NEGR1: variants seen among roughly 807,000 people sequenced by gnomAD.
NEGR1 encodes IgLON family member 4.
A neutral mutation model predicts 40.9 loss-of-function variants in NEGR1; 10 were observed. That is an observed-to-expected ratio of 0.24 (90% CI 0.15 to 0.42). NEGR1 has a LOEUF of 0.42. Among genes scored for constraint, NEGR1 ranks in the 10% least tolerant of loss-of-function variants. NEGR1 has a pLI of 1.00. For synonymous variants in NEGR1, 185 were observed against 166.8 expected, an observed-to-expected ratio of 1.11 and a Z score of -0.84; for missense variants, 352 against 438.9, an observed-to-expected ratio of 0.80 and a Z score of 1.77.
At position 71,622,766 on chromosome 1, in the gene NEGR1, A is replaced by AG. The variant is rs1650650785; in HGVS notation, c.668-11621dup. 2.6e-5 allele frequency among the ~76,000 whole-genome samples: 4 copies of AG among 151,868 alleles called. No individual in the cohort carries two copies. In the South Asian group the frequency reaches 8.3e-4, roughly 31 times the overall value. On this transcript the variant is annotated intron_variant, in intron 4 of 6. Coordinates refer to ENST00000357731, the MANE Select transcript of NEGR1 (RefSeq NM_173808.3). ...TATACATGGGGTAATAGATGAGGATAGCATTGGTTGGATCTTCCCTTAGGC... is the reference window on the plus strand; with the variant it reads ...TATACATGGGGTAATAGATGAGGATAGGCATTGGTTGGATCTTCCCTTAGGC...
intron 2 of NEGR1, among the ~76,000 whole-genome samples, chr1:71,812,137 A>G (rs1392908984): frequency 6.6e-6 from 1 of 152,002 alleles, no homozygotes. Flanking sequence ...TATAACTGAG[A>G]ACATGCAGTG....
At chr1:71,958,191 G>T (rs1557455155) in intron 1 of NEGR1, among the ~76,000 whole-genome samples, 1 of 152,162 alleles carries the variant, frequency 6.6e-6, no homozygotes, top group African/African-American at 2.4e-5. Context: ...AATGAGAGAT[G>T]AAATTTAATG....
chr1:71,907,723 C>A (rs1557427943), intron 2 of NEGR1, among the ~76,000 whole-genome samples: 1 of 152,082 alleles, frequency 6.6e-6, no homozygotes, highest in South Asian at 2.1e-4. Context: ...CAGCACTACT[C>A]ATCATAGAAA....
intron 1 of NEGR1, among the ~76,000 whole-genome samples, chr1:72,048,369 T>C (rs1048937390): frequency 7.0e-6 from 1 of 142,554 alleles, no homozygotes; most frequent in Admixed American, 6.9e-5. Flanking sequence ...ACTAAATAAA[T>C]TGCTTAACAG....
chr1:71,758,085 A>C (rs2101695935), intron 3 of NEGR1, among the ~76,000 whole-genome samples: 1 of 152,174 alleles, frequency 6.6e-6, no homozygotes, highest in South Asian at 2.1e-4. Context: ...AGGGAGCTTA[A>C]GAAATATACT....
chr1:72,040,653 A>G (rs1646945328), intron 1 of NEGR1, among the ~76,000 whole-genome samples: 1 of 150,692 alleles, frequency 6.6e-6, no homozygotes, highest in Non-Finnish European at 1.5e-5. Flanking sequence ...ACTGAAAGAA[A>G]AGGAATTGGG....
At chr1:71,944,597 A>C (rs867992075) in intron 1 of NEGR1, among the ~76,000 whole-genome samples, 1 of 152,200 alleles carries the variant, frequency 6.6e-6, no homozygotes, top group African/African-American at 2.4e-5. Flanking sequence ...ATATACGGAA[A>C]GGTTCTAAAT....
chr1:71,690,619 CAGAGAG>C (rs59019409), intron 4 of NEGR1, among the ~76,000 whole-genome samples: 2,541 of 67,672 alleles, frequency 0.038, 26 homozygotes, highest in African/African-American at 0.052. Context: ...TAGAGGGAGA[CAGAGAG>C]AGAGAGAGAG....
rs113132329 is a variant in NEGR1, at chr1:71,916,649, G to T, written c.409+18430C>A. ...CGTGTGCTTGTAATCACAGCTACTT[G>T]GGAGGCAGAGGCAGGAGAATTGCTT... On this transcript the variant is annotated intron_variant, in intron 2 of 6. Coordinates refer to ENST00000357731, the MANE Select transcript of NEGR1 (RefSeq NM_173808.3). 4.9e-3 allele frequency among the ~76,000 whole-genome samples: 739 copies of T among 152,228 alleles called. 1 individual carries two copies. The highest frequency in any genetic ancestry group is 0.015 in the African/African-American group (627 of 41,540).
intron 2 of NEGR1, among the ~76,000 whole-genome samples, chr1:71,897,838 G>A (rs924579872): frequency 1.3e-5 from 2 of 152,090 alleles, no homozygotes; most frequent in Non-Finnish European, 2.9e-5. Context: ...AGAAGCGCAG[G>A]CATAACTGAA....
intron 2 of NEGR1, among the ~76,000 whole-genome samples, chr1:71,846,663 T>A (rs984398514): frequency 6.6e-6 from 1 of 152,126 alleles, no homozygotes. Flanking sequence ...AGCCTTAGAA[T>A]GGGTAACTTA....
At chr1:72,230,351 T>C (rs12059971) in intron 1 of NEGR1, among the ~76,000 whole-genome samples, 6,090 of 152,230 alleles carry the variant, frequency 0.04, 394 homozygotes, top group African/African-American at 0.14. Context: ...TTTGAAAAAG[T>C]TGTGCTGATT....
intron 1 of NEGR1, among the ~76,000 whole-genome samples, chr1:72,255,027 T>G (rs1655220971): frequency 6.6e-6 from 1 of 152,204 alleles, no homozygotes; most frequent in African/African-American, 2.4e-5. Context: ...TTATCCACAT[T>G]AGATTTTCTA....
intron 2 of NEGR1, among the ~76,000 whole-genome samples, chr1:71,867,837 A>G (rs1371966207): frequency 6.6e-6 from 1 of 152,208 alleles, no homozygotes; most frequent in Non-Finnish European, 1.5e-5. Context: ...TAGAAAGAAT[A>G]TAAAGATTAT....
At chr1:72,033,720 T>C (rs1050799724) in intron 1 of NEGR1, among the ~76,000 whole-genome samples, 2 of 152,154 alleles carry the variant, frequency 1.3e-5, no homozygotes, top group Non-Finnish European at 2.9e-5. Flanking sequence ...GACCTGCATG[T>C]TTAGACTGTT....
intron 4 of NEGR1, among the ~76,000 whole-genome samples, chr1:71,677,016 G>A (rs773235387): frequency 2.0e-5 from 3 of 152,160 alleles, no homozygotes; most frequent in Non-Finnish European, 2.9e-5. Flanking sequence ...GACCAACTAT[G>A]TGTGAGTTAC....
At chr1:71,705,699 G>A (rs1240929012) in intron 3 of NEGR1, among the ~76,000 whole-genome samples, 2 of 151,406 alleles carry the variant, frequency 1.3e-5, no homozygotes, top group Non-Finnish European at 2.9e-5. Context: ...CAGCCTGGGC[G>A]ACAGAGTGAG....
chr1:72,163,023 A>C (rs1651635096), intron 1 of NEGR1, among the ~76,000 whole-genome samples: 2 of 152,118 alleles, frequency 1.3e-5, no homozygotes, highest in Non-Finnish European at 2.9e-5. Context: ...AAATAGATTT[A>C]GGTTATCTTT....
At chr1:71,559,025 A>G (rs1191071889) in intron 6 of NEGR1, among the ~76,000 whole-genome samples, 193 of 111,364 alleles carry the variant, frequency 1.7e-3, no homozygotes, top group African/African-American at 4.1e-3. Flanking sequence ...GTGTGTATAT[A>G]TATATATATA....
Sources: allele counts gnomAD v4.1 joint callset (sites outside exome capture counted in the v4.1 genomes callset), GRCh38; gene constraint gnomAD v4.1.1; transcripts MANE v1.5; gene names NCBI Gene and HGNC (gene_info 2026-07-23, HGNC 2026-07-21).